PRSS23: variants seen among roughly 807,000 people sequenced by gnomAD.
PRSS23 encodes protease, serine 23.
Under a neutral mutation model 34.7 loss-of-function variants are expected in PRSS23, and 25 were observed. The observed-to-expected ratio is 0.72, with a 90% CI of 0.53 to 1.01. The LOEUF (loss-of-function observed/expected upper bound fraction) is 1.01. Among genes scored for constraint, PRSS23 ranks in the 50% least tolerant of loss-of-function variants. The pLI, the probability that PRSS23 is intolerant of heterozygous loss-of-function variation, is 0.00. For synonymous variants in PRSS23, 176 were observed against 186.6 expected, an observed-to-expected ratio of 0.94 and a Z score of 0.46; for missense variants, 445 against 475.6, an observed-to-expected ratio of 0.94 and a Z score of 0.60.
intron 2 of PRSS23, among the ~76,000 whole-genome samples, chr11:86,868,533 A>T (rs1354893917): frequency 6.6e-6 from 1 of 152,092 alleles, no homozygotes. Flanking sequence ...ACTTTTTATT[A>T]TAGGGACCCC....
At chr11:86,830,857 C>T (rs10898536) in intron 2 of PRSS23, among the ~76,000 whole-genome samples, 52,310 of 151,932 alleles carry the variant, frequency 0.34, 9,415 homozygotes, top group East Asian at 0.47. Context: ...GATGTTCCTC[C>T]TAATGTCATC....
chr11:86,939,406 AT>A (rs1565392769), intron 2 of PRSS23, among the ~76,000 whole-genome samples: 98 of 55,490 alleles, frequency 1.8e-3, no homozygotes, highest in African/African-American at 3.8e-3. Context: ...AAAAAAAAAT[AT>A]ATATATATAT....
Position 86,926,499 on chromosome 11 carries a change from T to G in PRSS23, c.207-24717T>G, listed in dbSNP as rs145249909. On this transcript the variant is annotated intron_variant, in intron 2 of 2. Transcript: ENST00000533902. The stretch of plus-strand genomic sequence containing the variant: ...AGTTTAAATAAAGGGGTACCCATAA[T>G]TATAAATAATGTGTATCTGGAAGAA... Among the ~76,000 whole-genome samples the G allele has an allele frequency of 5.3e-4, 80 of 152,336 alleles. 3 individuals are homozygous for G. The East Asian group carries it at 0.015, about 28-fold the overall frequency.
intron 2 of PRSS23, chr11:86,911,522 T>C (rs1330642495): frequency 1.3e-5 from 2 of 152,172 alleles, no homozygotes; most frequent in East Asian, 1.9e-4. Flanking sequence ...TCCATCTTTA[T>C]GTGCATATGT....
chr11:86,797,543 A>G (rs935023397), upstream of PRSS23, among the ~76,000 whole-genome samples: 1 of 152,202 alleles, frequency 6.6e-6, no homozygotes, highest in Non-Finnish European at 1.5e-5. Context: ...CCCTGAGACC[A>G]GATGAAGGAC....
At chr11:86,835,071 G>T (rs985566913) in intron 2 of PRSS23, among the ~76,000 whole-genome samples, 1 of 152,174 alleles carries the variant, frequency 6.6e-6, no homozygotes, top group East Asian at 1.9e-4. Context: ...TTTCTTCATT[G>T]TCTGGAAGAA....
chr11:86,918,877 A>G (rs542708396), intron 2 of PRSS23, among the ~76,000 whole-genome samples: 1 of 152,322 alleles, frequency 6.6e-6, no homozygotes, highest in South Asian at 2.1e-4. Context: ...AGCTCTTTGA[A>G]TTTATTATTA....
At chr11:86,875,783 G>A (rs1424829603) in intron 2 of PRSS23, among the ~76,000 whole-genome samples, 1 of 152,228 alleles carries the variant, frequency 6.6e-6, no homozygotes, top group African/African-American at 2.4e-5. Context: ...ACAGCTGTGA[G>A]GATGTGCAGA....
At chr11:86,820,142 T>G (rs1268432645) in intron 1 of PRSS23, among the ~76,000 whole-genome samples, 2 of 152,182 alleles carry the variant, frequency 1.3e-5, no homozygotes, top group East Asian at 3.8e-4. Flanking sequence ...ACTACAGTAT[T>G]TCTTCAATTT....
At chr11:86,840,613 A>G (rs1473080812) in intron 2 of PRSS23, among the ~76,000 whole-genome samples, 2 of 152,232 alleles carry the variant, frequency 1.3e-5, no homozygotes, top group Non-Finnish European at 1.5e-5. Flanking sequence ...AGTGGACCTA[A>G]TAGACATCTA....
In PRSS23 at chr11:86,890,975, A is replaced by G. The variant is rs570030456; in HGVS notation, c.207-60241A>G. ...ACCAGTTAGTAATTTATAGTTTGCC[A>G]TCTTCAAAATGCCTTTTGGTTCGGT... On this transcript the variant is annotated intron_variant, in intron 2 of 2. Coordinates refer to the PRSS23 transcript ENST00000533902. 2.6e-5 allele frequency among the ~76,000 whole-genome samples: 4 copies of G among 152,334 alleles called. 1 individual carries two copies. Among genetic ancestry groups the G allele is most frequent in the South Asian group, 4.1e-4 (2 of 4,830 alleles).
upstream of PRSS23, among the ~76,000 whole-genome samples, chr11:86,799,792 C>T (rs954670324): frequency 6.6e-6 from 1 of 152,012 alleles, no homozygotes; most frequent in African/African-American, 2.4e-5. Flanking sequence ...AGCTGGTGCC[C>T]CGATGAAGAA....
At chr11:86,885,289 T>TC (rs1220535634) in intron 2 of PRSS23, among the ~76,000 whole-genome samples, 1 of 152,214 alleles carries the variant, frequency 6.6e-6, no homozygotes, top group Non-Finnish European at 1.5e-5. Context: ...TGAAGCCCTT[T>TC]CCCGGCACTG....
intron 2 of PRSS23, among the ~76,000 whole-genome samples, chr11:86,944,366 G>T (rs1327278956): frequency 6.6e-6 from 1 of 151,890 alleles, no homozygotes; most frequent in Non-Finnish European, 1.5e-5. Context: ...TTCCTAATAA[G>T]GTCACGTTCA....
intron 2 of PRSS23, among the ~76,000 whole-genome samples, chr11:86,917,115 T>A (rs1949018292): frequency 6.6e-6 from 1 of 151,562 alleles, no homozygotes. Context: ...AGGTCAGGAG[T>A]TCAAGACCAG....
At chr11:86,888,649 C>T (rs1948821471) in intron 2 of PRSS23, among the ~76,000 whole-genome samples, 1 of 152,194 alleles carries the variant, frequency 6.6e-6, no homozygotes, top group Non-Finnish European at 1.5e-5. Context: ...TGAGAGATTG[C>T]ATGATCATTT....
At chr11:86,914,062 C>G (rs1311050325) in intron 2 of PRSS23, among the ~76,000 whole-genome samples, 5 of 47,882 alleles carry the variant, frequency 1.0e-4, no homozygotes, top group Non-Finnish European at 5.4e-5. Context: ...AAAAAAAAAA[C>G]CTCAAAGATT....
chr11:86,860,296 C>A (rs1177908181), intron 2 of PRSS23, among the ~76,000 whole-genome samples: 2 of 151,884 alleles, frequency 1.3e-5, no homozygotes, highest in African/African-American at 4.8e-5. Flanking sequence ...GGGTGTACCC[C>A]ACCTGAGATA....
intron 2 of PRSS23, among the ~76,000 whole-genome samples, chr11:86,899,273 C>T (rs1002147333): frequency 3.3e-5 from 5 of 152,112 alleles, no homozygotes; most frequent in African/African-American, 1.2e-4. Flanking sequence ...AATACCAGAA[C>T]TTTGGGAGGC....
Sources: gnomAD v4.1 joint callset for allele counts (sites outside exome capture counted in the v4.1 genomes callset) on GRCh38, gnomAD v4.1.1 for gene constraint, MANE v1.5 for transcripts, NCBI Gene and HGNC (gene_info 2026-07-23, HGNC 2026-07-21) for gene names.